The following MUSK variants were observed in gnomAD, a reference collection of about 807,000 sequenced individuals.
MUSK encodes the protein muscle, skeletal receptor tyrosine-protein kinase.
MUSK carries 55 observed loss-of-function variants against 88.7 expected under a neutral mutation model. The ratio of observed to expected loss-of-function variants is 0.62; its 90% confidence interval spans 0.50 to 0.78. The LOEUF (loss-of-function observed/expected upper bound fraction) is 0.78, where lower values mean the gene tolerates loss of function less well. Ranked by LOEUF, MUSK falls within the 30% of genes least tolerant of loss-of-function variation. The pLI is 0.00. For missense variants in MUSK, 1,015 were observed against 1,074.3 expected (o/e 0.94, Z 0.77); for synonymous variants, 387 against 391.9 (o/e 0.99, Z 0.15).
intron 5 of MUSK, among the ~76,000 whole-genome samples, chr9:110,711,187 G>T (rs1000550369): frequency 2.0e-5 from 3 of 152,082 alleles, no homozygotes; most frequent in African/African-American, 7.2e-5. Context: ...CACCAACATG[G>T]CACATGTATA....
chr9:110,767,866 G>A lies in MUSK; in HGVS notation c.967G>A (p.Glu323Lys). ...AGGCTACTGCGCCCAGTACAGAGGG[G>A]AGGTGTGTAATGCAGTCCTGGCAAA... Reference protein sequence around the residue: ...NKGYCAQYRGEVCNAVLAKDA... With the variant: ...NKGYCAQYRGKVCNAVLAKDA... The change falls in exon 9 of 15, where the codon GAG becomes AAG. Residue 323 changes from glutamate to lysine, a missense_variant. Physicochemically the swap from Glu to Lys is moderately conservative, Grantham distance 56. Transcript: ENST00000374448. The A allele has an allele frequency of 1.2e-6, 2 of 1,614,016 alleles. No individual in the cohort carries two copies. Among genetic ancestry groups the A allele is most frequent in the Non-Finnish European group, 8.5e-7 (1 of 1,179,896 alleles).
intron 14 of MUSK, among the ~76,000 whole-genome samples, chr9:110,789,271 C>A (rs577826361): frequency 6.6e-6 from 1 of 152,176 alleles, no homozygotes; most frequent in Non-Finnish European, 1.5e-5. Context: ...TAGTGAAGAT[C>A]GTGAGAAGTG....
chr9:110,689,733 A>ATAATATATAT (rs1277734871), intron 3 of MUSK, among the ~76,000 whole-genome samples: 1 of 9,936 alleles, frequency 1.0e-4, no homozygotes, highest in Non-Finnish European at 1.8e-4. Context: ...TATATAGTTT[A>ATAATATATAT]TATATAATAT....
chr9:110,787,663 T>C (rs2077897371), intron 13 of MUSK, 27 bp from the exon 14 acceptor site: 1 of 1,608,104 alleles, frequency 6.2e-7, no homozygotes, highest in South Asian at 1.1e-5. Context: ...GATCTTTGGT[T>C]TCTTTTTCAA....
intron 5 of MUSK, among the ~76,000 whole-genome samples, chr9:110,729,079 G>C: frequency 6.6e-6 from 1 of 151,526 alleles, no homozygotes; most frequent in South Asian, 2.1e-4. Context: ...GGGTTGGGGG[G>C]CTTTACAGTC....
chr9:110,699,968 C>T (rs115572492), intron 5 of MUSK, among the ~76,000 whole-genome samples: 1 of 152,160 alleles, frequency 6.6e-6, no homozygotes, highest in Non-Finnish European at 1.5e-5. Context: ...GTTGTTACAA[C>T]TGTGAAAGAA....
intron 5 of MUSK, among the ~76,000 whole-genome samples, chr9:110,714,681 G>T (rs1011945411): frequency 1.3e-5 from 2 of 152,142 alleles, no homozygotes; most frequent in Non-Finnish European, 2.9e-5. Context: ...TTAATGATAA[G>T]GGTTTGAGAA....
rs780566074 is a variant in MUSK, at chr9:110,787,677, A to G, written c.1779-13A>G. 5 of 1,609,928 alleles carry G rather than the reference A, an allele frequency of 3.1e-6. No individual in the cohort carries two copies. The highest frequency in any genetic ancestry group is 4.2e-6 in the Non-Finnish European group (5 of 1,178,728). ...TGATCTTTGGTTTCTTTTTCAATAA[A>G]TGTATCTCTCAGGGCACCAGGCTTA... is the stretch of plus-strand genomic sequence containing the variant. On this transcript the variant is annotated splice_polypyrimidine_tract_variant and intron_variant, in intron 13 of 14. Transcript: ENST00000374448.
intron 6 of MUSK, among the ~76,000 whole-genome samples, chr9:110,746,386 T>C (rs1342799426): frequency 6.6e-6 from 1 of 152,336 alleles, no homozygotes; most frequent in East Asian, 1.9e-4. Flanking sequence ...TTTGTTAAGG[T>C]AGTTGTTACT....
chr9:110,687,652 A>T (rs895195355), intron 3 of MUSK, among the ~76,000 whole-genome samples: 3 of 152,186 alleles, frequency 2.0e-5, no homozygotes, highest in South Asian at 2.1e-4. Context: ...GTACACTTTA[A>T]AACAGTCAGT....
At chr9:110,786,762 G>A (rs538048588) in intron 13 of MUSK, among the ~76,000 whole-genome samples, 57 of 152,246 alleles carry the variant, frequency 3.7e-4, no homozygotes, top group Non-Finnish European at 6.9e-4. Flanking sequence ...ACCTTTGTGC[G>A]AATTGGAATA....
intron 7 of MUSK, among the ~76,000 whole-genome samples, chr9:110,758,040 C>T (rs2077349043): frequency 6.6e-6 from 1 of 150,478 alleles, no homozygotes. Flanking sequence ...GATCTCGGCT[C>T]ATTGCAGCCT....
chr9:110,707,514 A>G (rs2076614759), intron 5 of MUSK, among the ~76,000 whole-genome samples: 1 of 152,176 alleles, frequency 6.6e-6, no homozygotes, highest in African/African-American at 2.4e-5. Flanking sequence ...TTGAGACCCA[A>G]ATTAAAATAG....
intron 6 of MUSK, among the ~76,000 whole-genome samples, chr9:110,746,889 C>T (rs1169639434): frequency 6.6e-6 from 1 of 152,174 alleles, no homozygotes; most frequent in South Asian, 2.1e-4. Flanking sequence ...ACCTATCTGA[C>T]ATGCATTTAT....
intron 1 of MUSK, 85 bp from the exon 2 acceptor site, chr9:110,682,589 G>A: frequency 7.6e-7 from 1 of 1,319,970 alleles, no homozygotes; most frequent in Non-Finnish European, 1.0e-6. Context: ...TCTCATTCAG[G>A]TATGTAATGG....
chr9:110,755,953 C>CGTATATATATACATATATATATATACGT lies in MUSK; in HGVS notation c.914-6249_914-6248insGTATATATATACATATATATATATACGT, dbSNP rs1479320910. 5.7e-5 allele frequency among the ~76,000 whole-genome samples: 4 copies of CGTATATATATACATATATATATATACGT among 70,682 alleles called. 1 individual carries two copies. Among genetic ancestry groups the CGTATATATATACATATATATATATACGT allele is most frequent in the African/African-American group, 1.7e-4 (3 of 17,784 alleles). The allele number at this position is 70,682 out of a possible 152,430, so 46.4% of individuals were successfully genotyped here. A position where few individuals can be genotyped will look rare whatever the true frequency, so the allele number is the denominator to read the frequency against. Reference sequence around the variant, plus strand: ...ATATACATATATATATATATATACACATATATATATACATATATATATATA... The same window carrying CGTATATATATACATATATATATATACGT: ...ATATACATATATATATATATATACACGTATATATATACATATATATATATACGTATATATATATACATATATATATATA... On this transcript the variant is annotated intron_variant, in intron 7 of 14. Coordinates refer to ENST00000374448, the MANE Select transcript of MUSK (RefSeq NM_005592.4).
chr9:110,772,341 G>A (rs1486856769), intron 9 of MUSK, among the ~76,000 whole-genome samples: 2 of 151,542 alleles, frequency 1.3e-5, no homozygotes, highest in African/African-American at 4.8e-5. Context: ...TCATTGAAAT[G>A]TTAAATTTAT....
intron 3 of MUSK, among the ~76,000 whole-genome samples, chr9:110,689,032 A>C (rs1475510518): frequency 1.4e-5 from 2 of 140,982 alleles, no homozygotes; most frequent in Non-Finnish European, 3.0e-5. Context: ...ATAAATACGT[A>C]TAACTATATA....
At chr9:110,693,513 C>T (rs1310906035) in intron 3 of MUSK, among the ~76,000 whole-genome samples, 4 of 152,190 alleles carry the variant, frequency 2.6e-5, no homozygotes, top group African/African-American at 4.8e-5. Flanking sequence ...GCTGGCACAG[C>T]GGGATACTTC....
Sources: allele counts gnomAD v4.1 joint callset (sites outside exome capture counted in the v4.1 genomes callset), GRCh38; gene constraint gnomAD v4.1.1; transcripts MANE v1.5; gene names NCBI Gene and HGNC (gene_info 2026-07-23, HGNC 2026-07-21).